Variants in ETV3 observed in about 807,000 individuals in gnomAD.
ETV3 encodes ETS translocation variant 3.
A neutral mutation model predicts 33.0 loss-of-function variants in ETV3; 8 were observed. The ratio of observed to expected loss-of-function variants is 0.24; its 90% CI spans 0.14 to 0.44. The LOEUF (loss-of-function observed/expected upper bound fraction) is 0.44, where lower values mean the gene tolerates loss of function less well. Among genes scored for constraint, ETV3 ranks in the 20% least tolerant of loss-of-function variants. ETV3 has a pLI of 1.00. For missense variants in ETV3, 473 were observed against 652.3 expected (o/e 0.73, Z 2.99); for synonymous variants, 222 against 238.9 (o/e 0.93, Z 0.65).
chr1:157,136,280 C>G lies in ETV3; in HGVS notation c.46+27G>C. 3 of 1,609,698 alleles carry G rather than the reference C, an allele frequency of 1.9e-6. No homozygotes were observed. In the South Asian group the frequency reaches 3.3e-5, roughly 18 times the overall value. On this transcript the variant is annotated intron_variant, in intron 2 of 4. Transcript: ENST00000368192. ...AACCACTGAGGGAAGCTTCCAGGTACATCAGAGATGATTAACTTCTGCTCA... is the reference window on the plus strand; with the variant it reads ...AACCACTGAGGGAAGCTTCCAGGTAGATCAGAGATGATTAACTTCTGCTCA...
rs375623673 is a variant in ETV3 at position 157,121,321 on chromosome 1, T to C, written c.*3520A>G. 1 of 151,624 alleles carries C rather than the reference T, an allele frequency of 6.6e-6. No individual in the cohort carries two copies. The highest frequency in any genetic ancestry group is 1.5e-5 in the Non-Finnish European group (1 of 67,928). The allele number at this position is 151,624 out of a possible 1,614,324, so 9.4% of individuals were successfully genotyped here. A position where few individuals can be genotyped will look rare whatever the true frequency, so the allele number is the denominator to read the frequency against. ...ATATTATACATATATTTCTATAACA[T>C]TACATCATATATATATAATATATAT... is the stretch of plus-strand genomic sequence containing the variant. On this transcript the variant is annotated 3_prime_UTR_variant, in exon 5 of 5. Coordinates refer to ENST00000368192, the MANE Select transcript of ETV3 (RefSeq NM_001145312.3).
intron 4 of ETV3, among the ~76,000 whole-genome samples, chr1:157,129,851 TG>T (rs1558030686): frequency 5.3e-5 from 8 of 152,098 alleles, no homozygotes. Flanking sequence ...AGTTTTGTTT[TG>T]TTTTTTTTTT....
In ETV3 at chr1:157,124,753, C is replaced by CA; in HGVS notation, c.*87_*88insT. On this transcript the variant is annotated 3_prime_UTR_variant, in exon 5 of 5. Coordinates refer to ENST00000368192, the MANE Select transcript of ETV3 (RefSeq NM_001145312.3). Reference sequence around the variant, plus strand: ...CCCTAGAATGATCAAACCAGTTTAACTCCCTCCCCCCCACCCTGAAATCTT... The same window carrying CA: ...CCCTAGAATGATCAAACCAGTTTAACATCCCTCCCCCCCACCCTGAAATCTT... 1 of 384,844 alleles carries CA rather than the reference C, an allele frequency of 2.6e-6. No individual in the cohort carries two copies. Among genetic ancestry groups the CA allele is most frequent in the Middle Eastern group, 5.7e-4 (1 of 1,760 alleles). 23.8% of individuals were successfully genotyped at this position (384,844 alleles called of 1,614,324 possible). A position where few individuals can be genotyped will look rare whatever the true frequency, so the allele number is the denominator to read the frequency against.
rs1329061133 is a variant in ETV3, at chr1:157,124,861, T to C, written c.1519A>G (p.Thr507Ala). The C allele has an allele frequency of 6.5e-7, 1 of 1,535,618 alleles. No individual in the cohort carries two copies. Among genetic ancestry groups the C allele is most frequent in the Non-Finnish European group, 8.8e-7 (1 of 1,139,072 alleles). Reference sequence around the variant, plus strand: ...CAGTTCTAAGCATCAGCAGCTGCTGTTGCCAAGCCCTGGGGTCCTGACCCA... The same window carrying C: ...CAGTTCTAAGCATCAGCAGCTGCTGCTGCCAAGCCCTGGGGTCCTGACCCA... ...WNGSGPQGLA[T>A]AAADA The change falls in exon 5 of 5, where the codon ACA (threonine) becomes GCA (alanine). Residue 507 changes from threonine (T) to alanine (A), a missense_variant. Thr to Ala is a moderately conservative substitution (Grantham distance 58, BLOSUM62 0). Around this residue, in one of 3 missense-constraint regions of ETV3, gnomAD observed 410 missense variants for 520.2 expected, o/e 0.79. Transcript: ENST00000368192.
chr1:157,124,397 C>T lies in ETV3; in HGVS notation c.*444G>A. ...AATACTTAGTATTAATGGTCTCTTACTGCTCAACCTCCCAACCATGCCCTT... is the reference window on the plus strand; with the variant it reads ...AATACTTAGTATTAATGGTCTCTTATTGCTCAACCTCCCAACCATGCCCTT... On this transcript the variant is annotated 3_prime_UTR_variant, in exon 5 of 5. Coordinates refer to ENST00000368192, the MANE Select transcript of ETV3 (RefSeq NM_001145312.3). 1 of 154,984 alleles carries T rather than the reference C, an allele frequency of 6.5e-6. No homozygotes were observed. The highest frequency in any genetic ancestry group is 1.4e-5 in the Non-Finnish European group (1 of 69,976). 9.6% of individuals were successfully genotyped at this position (154,984 alleles called of 1,614,324 possible).
intron 4 of ETV3, among the ~76,000 whole-genome samples, chr1:157,129,861 T>C (rs997209562): frequency 5.3e-5 from 8 of 152,326 alleles, no homozygotes; most frequent in East Asian, 1.9e-4. Context: ...TGTTTTTTTT[T>C]TGGAGACAGA....
At chr1:157,137,585 G>A (rs1489149653) in intron 1 of ETV3, among the ~76,000 whole-genome samples, 1 of 150,834 alleles carries the variant, frequency 6.6e-6, no homozygotes, top group African/African-American at 2.4e-5. Flanking sequence ...CACCGGGGCT[G>A]AGGCAGGAGC....
chr1:157,124,844 A>G lies in ETV3; in HGVS notation c.1536T>C (p.Ala512=), dbSNP rs556122509. Residue 512 remains alanine (A), a synonymous_variant, in exon 5 of 5, where the codon GCT becomes GCC. Coordinates refer to ENST00000368192, the MANE Select transcript of ETV3 (RefSeq NM_001145312.3). ...AGCTCCTAATCCACTTCCAGTTCTA[A>G]GCATCAGCAGCTGCTGTTGCCAAGC... is the stretch of plus-strand genomic sequence containing the variant. ...PQGLATAAAD[A] 1.5e-4 allele frequency: 234 copies of G among 1,532,082 alleles called. No individual in the cohort carries two copies. The African/African-American group carries it at 2.8e-3, about 19-fold the overall frequency. The allele number at this position is 1,532,082 out of a possible 1,614,324, so 94.9% of individuals were successfully genotyped here.
In ETV3 at chr1:157,121,955, G is replaced by C. The variant is rs953771506; in HGVS notation, c.*2886C>G. The C allele has an allele frequency of 4.6e-5, 7 of 152,154 alleles. No homozygotes were observed. The highest frequency in any genetic ancestry group is 8.8e-5 in the Non-Finnish European group (6 of 68,022). 9.4% of individuals were successfully genotyped at this position (152,154 alleles called of 1,614,324 possible). On this transcript the variant is annotated 3_prime_UTR_variant, in exon 5 of 5. Coordinates refer to ENST00000368192, the MANE Select transcript of ETV3 (RefSeq NM_001145312.3). ...AAAAAAGGTGAGCTCAGCAAGGCTG[G>C]ATGCCATTAAGAGATATTTACTGTT... is the stretch of plus-strand genomic sequence containing the variant.
chr1:157,133,531 A>T, intron 4 of ETV3: 1 of 985,940 alleles, frequency 1.0e-6, no homozygotes. Flanking sequence ...GAAAGTCAAG[A>T]GGGGAAGCCC....
In ETV3 at chr1:157,123,665, C is replaced by G. The variant is rs1395648515; in HGVS notation, c.*1176G>C. 6.6e-6 allele frequency: 1 copy of G among 152,232 alleles called. No individual in the cohort carries two copies. The highest frequency in any genetic ancestry group is 2.4e-5 in the African/African-American group (1 of 41,450). The allele number at this position is 152,232 out of a possible 1,614,324, so 9.4% of individuals were successfully genotyped here. ...CCCACAAGCCTGCCTTTTGGCTACC[C>G]ATCCCAACAATATCAAGAGGGAATG... is the stretch of plus-strand genomic sequence containing the variant. On this transcript the variant is annotated 3_prime_UTR_variant, in exon 5 of 5. Coordinates refer to ENST00000368192, the MANE Select transcript of ETV3 (RefSeq NM_001145312.3).
chr1:157,123,592 G>A lies in ETV3; in HGVS notation c.*1249C>T, dbSNP rs1428711749. On this transcript the variant is annotated 3_prime_UTR_variant, in exon 5 of 5. Transcript: ENST00000368192. Reference sequence around the variant, plus strand: ...CTTCCTTCAGTCTCAACATCCACTTGTACCCCCAGCTACCTCCCATGTTTC... The same window carrying A: ...CTTCCTTCAGTCTCAACATCCACTTATACCCCCAGCTACCTCCCATGTTTC... 2 of 152,122 alleles carry A rather than the reference G, an allele frequency of 1.3e-5. No homozygotes were observed. Among genetic ancestry groups the A allele is most frequent in the Non-Finnish European group, 2.9e-5 (2 of 68,036 alleles). The allele number at this position is 152,122 out of a possible 1,614,324, so 9.4% of individuals were successfully genotyped here.
intron 4 of ETV3, chr1:157,133,068 T>G (rs1675006121): frequency 6.6e-6 from 1 of 152,240 alleles, no homozygotes; most frequent in Non-Finnish European, 1.5e-5. Context: ...TAGTCCTTTC[T>G]TATCTGAGGT....
chr1:157,123,626 A>AT lies in ETV3; in HGVS notation c.*1214dup, dbSNP rs1407623206. 6.6e-6 allele frequency: 1 copy of AT among 152,184 alleles called. No homozygotes were observed. Among genetic ancestry groups the AT allele is most frequent in the African/African-American group, 2.4e-5 (1 of 41,434 alleles). 9.4% of individuals were successfully genotyped at this position (152,184 alleles called of 1,614,324 possible). On this transcript the variant is annotated 3_prime_UTR_variant, in exon 5 of 5. Coordinates refer to ENST00000368192, the MANE Select transcript of ETV3 (RefSeq NM_001145312.3). ...GCTACCTCCCATGTTTCCAGGTATC[A>AT]TTGGCTCTTAACTCCCACAAGCCTG...
At chr1:157,129,920 T>C (rs181563370) in intron 4 of ETV3, among the ~76,000 whole-genome samples, 1 of 152,186 alleles carries the variant, frequency 6.6e-6, no homozygotes, top group East Asian at 1.9e-4. Context: ...CTCAGCTCAC[T>C]GCAACCTCCG....
At chr1:157,130,784 A>T (rs1466461441) in intron 4 of ETV3, among the ~76,000 whole-genome samples, 1 of 152,218 alleles carries the variant, frequency 6.6e-6, no homozygotes, top group East Asian at 1.9e-4. Context: ...GTCATTGTTA[A>T]ATAATTTTTT....
In ETV3 at chr1:157,127,196, A is replaced by G. The variant is rs78273971; in HGVS notation, c.401-1217T>C. Among the ~76,000 whole-genome samples the G allele has an allele frequency of 4.9e-3, 750 of 152,292 alleles. 7 individuals are homozygous for G. Among genetic ancestry groups the G allele is most frequent in the African/African-American group, 0.017 (725 of 41,588 alleles). ...GACATGCATGGAAAGTAATGCATTA[A>G]AAACTCAAAGATAAAACTCAAAGAC... On this transcript the variant is annotated intron_variant, in intron 4 of 4. Transcript: ENST00000368192.
Position 157,135,509 on chromosome 1 carries a change from T to C in ETV3, c.246A>G (p.Lys82=). The part of the protein sequence containing the change: ...VARLWGRRKC[K]PQMNYDKLSR... Reference sequence around the variant, plus strand: ...TCAGCTTGTCATAATTCATCTGTGGTTTGCATTTCCTGCGGCCCCAGAGGC... The same window carrying C: ...TCAGCTTGTCATAATTCATCTGTGGCTTGCATTTCCTGCGGCCCCAGAGGC... Residue 82 remains lysine, a synonymous_variant, in exon 3 of 5, where the codon AAA becomes AAG. Transcript: ENST00000368192. 1 of 1,614,020 alleles carries C rather than the reference T, an allele frequency of 6.2e-7. No homozygotes were observed. The highest frequency in any genetic ancestry group is 8.5e-7 in the Non-Finnish European group (1 of 1,179,922).
chr1:157,125,836 T>C lies in ETV3; in HGVS notation c.544A>G (p.Ser182Gly). The C allele has an allele frequency of 6.4e-7, 1 of 1,551,702 alleles. No individual in the cohort carries two copies. Among genetic ancestry groups the C allele is most frequent in the Non-Finnish European group, 8.7e-7 (1 of 1,146,994 alleles). Reference sequence around the variant, plus strand: ...TCAGTCTTTCTATCAGTACCATTACTGGACTCCTGGCCAGAAGCAGTTAGG... The same window carrying C: ...TCAGTCTTTCTATCAGTACCATTACCGGACTCCTGGCCAGAAGCAGTTAGG... ...SSLTASGQES[S>G]NGTDRKTELS... The change falls in exon 5 of 5, where the codon AGT becomes GGT. Residue 182 changes from serine to glycine, a missense_variant. Ser to Gly is a moderately conservative substitution (Grantham distance 56). Coordinates refer to ENST00000368192, the MANE Select transcript of ETV3 (RefSeq NM_001145312.3). This position sits in a 1 kb window ranked among gnomAD's most constrained non-coding sequence, Gnocchi z 4.0.
Sources: allele counts gnomAD v4.1 joint callset (sites outside exome capture counted in the v4.1 genomes callset), GRCh38; gene constraint gnomAD v4.1.1; regional missense constraint gnomAD v4.1.1; non-coding constraint Gnocchi (gnomAD v3.1); transcripts MANE v1.5; gene names NCBI Gene and HGNC (gene_info 2026-07-23, HGNC 2026-07-21).